SDHAF2: variants seen among roughly 807,000 people sequenced by gnomAD.
The protein encoded by SDHAF2 is succinate dehydrogenase complex assembly factor 2, also known as succinate dehydrogenase assembly factor 2, mitochondrial.
A neutral mutation model predicts 18.5 loss-of-function variants in SDHAF2; 21 were observed. The ratio of observed to expected loss-of-function variants is 1.13; its 90% CI spans 0.80 to 1.63. The LOEUF (loss-of-function observed/expected upper bound fraction) is 1.63. Ranked by LOEUF, SDHAF2 falls within the 40% of genes most tolerant of loss-of-function variation. The pLI is 0.00. For missense variants in SDHAF2, 195 were observed against 200.3 expected, an observed-to-expected ratio of 0.97 and a Z score of 0.16; for synonymous variants, 84 against 70.7, an observed-to-expected ratio of 1.19 and a Z score of -0.94.
At chr11:61,436,986 CTG>C (rs1363163363) in intron 1 of SDHAF2, 6 of 1,180,938 alleles carry the variant, frequency 5.1e-6, no homozygotes, top group African/African-American at 1.6e-5. Context: ...ATAAACCACA[CTG>C]TAAGAATTTT....
chr11:61,443,658 C>T (rs1404648131), intron 3 of SDHAF2, among the ~76,000 whole-genome samples: 2 of 152,210 alleles, frequency 1.3e-5, no homozygotes, highest in Admixed American at 6.5e-5. Context: ...GTCGCCCAGG[C>T]TGGAGTGCAG....
rs895088072 is a variant in SDHAF2 at position 61,446,313 on chromosome 11, G to T, written c.*242G>T. 35 of 612,334 alleles carry T rather than the reference G, an allele frequency of 5.7e-5. 1 individual carries two copies. The highest frequency in any genetic ancestry group is 8.7e-5 in the Non-Finnish European group (30 of 343,888). 37.9% of individuals were successfully genotyped at this position (612,334 alleles called of 1,614,324 possible). On this transcript the variant is annotated 3_prime_UTR_variant, in exon 4 of 4. Coordinates refer to ENST00000301761, the MANE Select transcript of SDHAF2 (RefSeq NM_017841.4). ...AGTGATTTGTCAGCAGCGCTGGCAT[G>T]CAGGCTTTGCCTGGCTGCTATCTCT...
intron 3 of SDHAF2, among the ~76,000 whole-genome samples, chr11:61,441,868 C>T (rs942670568): frequency 4.1e-5 from 6 of 144,814 alleles, no homozygotes; most frequent in African/African-American, 1.2e-4. Flanking sequence ...CTTCAAATTC[C>T]GCCCCCCACC....
chr11:61,433,028 A>T (rs1393789250), intron 1 of SDHAF2: 1 of 149,648 alleles, frequency 6.7e-6, no homozygotes, highest in African/African-American at 2.5e-5. Context: ...CTCTCTATAT[A>T]TTTTTTTAAT....
chr11:61,439,502 G>A (rs1862038096), intron 3 of SDHAF2, among the ~76,000 whole-genome samples: 2 of 152,170 alleles, frequency 1.3e-5, no homozygotes, highest in African/African-American at 4.8e-5. Flanking sequence ...TTCTGTTATC[G>A]ATGAAAACTG....
At chr11:61,438,713 A>G (rs570851276) in intron 3 of SDHAF2, among the ~76,000 whole-genome samples, 2 of 152,340 alleles carry the variant, frequency 1.3e-5, no homozygotes, top group African/African-American at 2.4e-5. Flanking sequence ...AATGGAGTGG[A>G]ATCAGACAAC....
In SDHAF2 at chr11:61,446,535, T is replaced by C. The variant is rs1268458802; in HGVS notation, c.*464T>C. On this transcript the variant is annotated 3_prime_UTR_variant, in exon 4 of 4. Coordinates refer to ENST00000301761, the MANE Select transcript of SDHAF2 (RefSeq NM_017841.4). ...GGAACTCCCCACTTCCAACCTGGTA[T>C]GGCTCCTTCTGCGAAGGGAAGCTGA... 4.2e-6 allele frequency: 2 copies of C among 475,016 alleles called. No individual in the cohort carries two copies. Among genetic ancestry groups the C allele is most frequent in the East Asian group, 3.1e-5 (1 of 32,362 alleles). 29.4% of individuals were successfully genotyped at this position (475,016 alleles called of 1,614,324 possible). A position where few individuals can be genotyped will look rare whatever the true frequency, so the allele number is the denominator to read the frequency against.
At chr11:61,440,417 C>T (rs1458767730) in intron 3 of SDHAF2, among the ~76,000 whole-genome samples, 1 of 151,960 alleles carries the variant, frequency 6.6e-6, no homozygotes, top group South Asian at 2.1e-4. Context: ...CTGGCTAACA[C>T]GGTGAAACCC....
intron 1 of SDHAF2, 150 bp downstream of exon 1, chr11:61,430,332 G>C: frequency 1.1e-6 from 1 of 894,400 alleles, no homozygotes; most frequent in Admixed American, 2.2e-5. Flanking sequence ...CTGCAACTCA[G>C]GAAATAAAGG....
chr11:61,444,488 A>C (rs1276081330), intron 3 of SDHAF2: 2 of 152,168 alleles, frequency 1.3e-5, no homozygotes, highest in East Asian at 3.9e-4. Context: ...TGATCCCAGC[A>C]CTTTGGGAGG....
chr11:61,439,526 G>A (rs930669862), intron 3 of SDHAF2, among the ~76,000 whole-genome samples: 2 of 152,174 alleles, frequency 1.3e-5, no homozygotes, highest in Non-Finnish European at 2.9e-5. Flanking sequence ...ATTAGGGGAC[G>A]TGTCATTCAT....
chr11:61,438,268 C>T lies in SDHAF2; in HGVS notation c.370+155C>T, dbSNP rs543145803. The T allele has an allele frequency of 3.2e-5, 22 of 679,336 alleles. No individual in the cohort carries two copies. In the East Asian group the frequency reaches 3.2e-4, roughly 10 times the overall value. The allele number at this position is 679,336 out of a possible 1,614,324, so 42.1% of individuals were successfully genotyped here. A position where few individuals can be genotyped will look rare whatever the true frequency, so the allele number is the denominator to read the frequency against. On this transcript the variant is annotated intron_variant, in intron 3 of 3. Transcript: ENST00000301761. ...AGGCTGGAGTGCAATGGCATGATCT[C>T]GGCTCACTGCAACCTCTACCTTCCA...
At position 61,446,091 on chromosome 11, in the gene SDHAF2, C is replaced by A. The variant is rs759866664; in HGVS notation, c.*20C>A. ...CGTTGAGCTGTGCTCCACGGCCTGG[C>A]ATGGGGGTTCAGTCTGTGGATGGTA... On this transcript the variant is annotated 3_prime_UTR_variant, in exon 4 of 4. Transcript: ENST00000301761. 6.2e-6 allele frequency: 10 copies of A among 1,613,880 alleles called. No homozygotes were observed. In the South Asian group the frequency reaches 9.9e-5, roughly 16 times the overall value.
Position 61,446,577 on chromosome 11 carries a change from T to C in SDHAF2, c.*506T>C, listed in dbSNP as rs1419073063. ...GGAAGCTGATCCCAGCCTCCTGAGC[T>C]GAATCCTTCAAAGGCACAGCAGGCA... On this transcript the variant is annotated 3_prime_UTR_variant, in exon 4 of 4. Transcript: ENST00000301761. 6.7e-6 allele frequency: 3 copies of C among 448,288 alleles called. No individual in the cohort carries two copies. The highest frequency in any genetic ancestry group is 4.0e-5 in the African/African-American group (2 of 50,366). 27.8% of individuals were successfully genotyped at this position (448,288 alleles called of 1,614,324 possible).
intron 3 of SDHAF2, among the ~76,000 whole-genome samples, chr11:61,441,469 C>T (rs942680551): frequency 4.0e-5 from 6 of 148,700 alleles, no homozygotes; most frequent in South Asian, 2.1e-4. Context: ...TGCAGTAAGC[C>T]GAGATCATGC....
chr11:61,443,946 T>C (rs1301500348), intron 3 of SDHAF2, among the ~76,000 whole-genome samples: 1 of 152,186 alleles, frequency 6.6e-6, no homozygotes, highest in African/African-American at 2.4e-5. Flanking sequence ...GCTAATTTTT[T>C]GTATTTTCAG....
intron 1 of SDHAF2, 111 bp downstream of exon 1, chr11:61,430,293 G>A (rs1861848066): frequency 3.6e-6 from 5 of 1,392,002 alleles, no homozygotes; most frequent in African/African-American, 1.4e-5. Context: ...ATAGCGCAGG[G>A]CAAGGGCAGG....
rs1862011903 is a variant in SDHAF2, at chr11:61,437,796, C to T, written c.208C>T (p.Leu70=). The change falls in exon 2 of 4, where the codon CTG becomes TTG. Residue 70 remains leucine, a synonymous_variant. Transcript: ENST00000301761. ...ATCCATAGAAACCAAAAGAGCCCGC[C>T]TGCTCTATGAGAGCAGAAAGAGGGG... The part of the protein sequence containing the change: ...DESIETKRAR[L]LYESRKRGML... 1 of 1,614,150 alleles carries T rather than the reference C, an allele frequency of 6.2e-7. No homozygotes were observed. Among genetic ancestry groups the T allele is most frequent in the Non-Finnish European group, 8.5e-7 (1 of 1,180,038 alleles).
chr11:61,444,451 T>G (rs571023370), intron 3 of SDHAF2: 1 of 152,224 alleles, frequency 6.6e-6, no homozygotes, highest in Non-Finnish European at 1.5e-5. Flanking sequence ...ACAAATTTTT[T>G]TGGCTGGGCG....
Sources: allele counts gnomAD v4.1 joint callset (sites outside exome capture counted in the v4.1 genomes callset), GRCh38; gene constraint gnomAD v4.1.1; transcripts MANE v1.5; gene names NCBI Gene and HGNC (gene_info 2026-07-23, HGNC 2026-07-21).